The following ZBTB20 variants were observed in gnomAD, a reference collection of about 807,000 sequenced individuals.
The protein encoded by ZBTB20 is zinc finger and BTB domain-containing protein 20.
ZBTB20 carries 9 observed loss-of-function variants against 56.9 expected under a neutral mutation model. The observed-to-expected ratio is 0.16, with a 90% confidence interval of 0.10 to 0.28. The LOEUF (loss-of-function observed/expected upper bound fraction) is 0.28. Among genes scored for constraint, ZBTB20 ranks in the 10% least tolerant of loss-of-function variants. ZBTB20 has a pLI of 1.00. For missense variants in ZBTB20, 655 were observed against 1,003.0 expected, an observed-to-expected ratio of 0.65 and a Z score of 4.69; for synonymous variants, 417 against 420.7, an observed-to-expected ratio of 0.99 and a Z score of 0.11.
chr3:115,080,652 G>C (rs2082763675), intron 1 of ZBTB20, among the ~76,000 whole-genome samples: 1 of 152,122 alleles, frequency 6.6e-6, no homozygotes, highest in South Asian at 2.1e-4. Flanking sequence ...AACAGTTACT[G>C]AGCAAATGGA....
At chr3:115,016,156 T>A (rs2079946738) in intron 2 of ZBTB20, among the ~76,000 whole-genome samples, 2 of 152,018 alleles carry the variant, frequency 1.3e-5, no homozygotes, top group South Asian at 4.1e-4. Flanking sequence ...CACTTTTTAA[T>A]GGGATTGTTT....
intron 6 of ZBTB20, among the ~76,000 whole-genome samples, chr3:114,684,389 TG>T (rs2062189351): frequency 6.6e-6 from 1 of 152,204 alleles, no homozygotes; most frequent in Admixed American, 6.5e-5. Context: ...GTGTTGTTTT[TG>T]TATCTGGTTT....
intron 2 of ZBTB20, chr3:115,027,625 A>G (rs1195249898): frequency 6.6e-6 from 1 of 150,972 alleles, no homozygotes; most frequent in African/African-American, 2.4e-5. Context: ...TTCTGTAAAT[A>G]ATTACCCAAT....
At chr3:114,654,604 T>C (rs2060298740) in intron 6 of ZBTB20, among the ~76,000 whole-genome samples, 1 of 152,122 alleles carries the variant, frequency 6.6e-6, no homozygotes, top group Non-Finnish European at 1.5e-5. Context: ...GTTTTAAATA[T>C]GTTTTAAAGA....
intron 6 of ZBTB20, among the ~76,000 whole-genome samples, chr3:114,571,499 C>T (rs578023855): frequency 5.9e-5 from 9 of 152,152 alleles, no homozygotes; most frequent in African/African-American, 1.9e-4. Flanking sequence ...TTTTTTCTGC[C>T]TTCAGCGGGG....
rs567505412 is a variant in ZBTB20 at position 114,556,286 on chromosome 3, C to T, written c.-294-55895G>A. ...CTCATTGACGATTTCCTTGAAGTCC[C>T]CTGTACCTTCCCAATCTTATCTACA... On this transcript the variant is annotated intron_variant, in intron 6 of 11. Transcript: ENST00000675478. 9.9e-5 allele frequency among the ~76,000 whole-genome samples: 15 copies of T among 152,142 alleles called. 1 individual carries two copies. The South Asian group carries it at 3.1e-3, about 32-fold the overall frequency.
intron 2 of ZBTB20, among the ~76,000 whole-genome samples, chr3:115,062,308 T>G (rs1478850796): frequency 6.6e-6 from 1 of 152,230 alleles, no homozygotes; most frequent in Non-Finnish European, 1.5e-5. Flanking sequence ...TCCCATACAC[T>G]ATCAATGAAA....
intron 6 of ZBTB20, among the ~76,000 whole-genome samples, chr3:114,532,061 C>T (rs901333202): frequency 9.9e-5 from 15 of 152,154 alleles, no homozygotes; most frequent in African/African-American, 2.4e-4. Context: ...ACTGGGCGGC[C>T]GTTTGGGCAG....
chr3:115,071,063 A>C (rs1280962360), intron 2 of ZBTB20, among the ~76,000 whole-genome samples, 156 bp downstream of exon 2: 3 of 152,134 alleles, frequency 2.0e-5, no homozygotes, highest in Non-Finnish European at 4.4e-5. Flanking sequence ...AAAATATATA[A>C]AGACACTCTG....
intron 6 of ZBTB20, among the ~76,000 whole-genome samples, chr3:114,575,294 C>A (rs535688394): frequency 4.7e-4 from 71 of 152,202 alleles, no homozygotes; most frequent in Middle Eastern, 3.4e-3. Flanking sequence ...GTTCTTTTAA[C>A]ATGAATAATA....
intron 2 of ZBTB20, among the ~76,000 whole-genome samples, chr3:114,985,508 T>C (rs557909590): frequency 3.7e-4 from 56 of 152,248 alleles, no homozygotes; most frequent in Non-Finnish European, 6.6e-4. Context: ...AACATTGTTC[T>C]TCTCAGCTAT....
chr3:114,343,035 G>A (rs1172863668), intron 11 of ZBTB20, among the ~76,000 whole-genome samples: 1 of 151,964 alleles, frequency 6.6e-6, no homozygotes, highest in Non-Finnish European at 1.5e-5. Flanking sequence ...CTTGCCAAGG[G>A]TGTTGGGCGT....
intron 6 of ZBTB20, among the ~76,000 whole-genome samples, chr3:114,616,543 A>T (rs1330809782): frequency 6.6e-6 from 1 of 152,086 alleles, no homozygotes; most frequent in Non-Finnish European, 1.5e-5. Flanking sequence ...GCTCATGATA[A>T]TCTCTGCAGG....
At chr3:114,654,195 C>G (rs1431996077) in intron 6 of ZBTB20, among the ~76,000 whole-genome samples, 1 of 151,816 alleles carries the variant, frequency 6.6e-6, no homozygotes, top group Non-Finnish European at 1.5e-5. Context: ...GAAACCTACG[C>G]TATTGATCTT....
chr3:114,336,867 T>A lies in ZBTB20; in HGVS notation c.*2138A>T, dbSNP rs1198678280. 6.6e-6 allele frequency: 1 copy of A among 152,254 alleles called. No homozygotes were observed. Among genetic ancestry groups the A allele is most frequent in the Non-Finnish European group, 1.5e-5 (1 of 68,044 alleles). 9.4% of individuals were successfully genotyped at this position (152,254 alleles called of 1,614,324 possible). A position where few individuals can be genotyped will look rare whatever the true frequency, so the allele number is the denominator to read the frequency against. On this transcript the variant is annotated 3_prime_UTR_variant, in exon 12 of 12. Transcript: ENST00000675478. ...GTTTTGCTTTGTTTAAAGATTTGCT[T>A]TCCCCTAAGTATGTTAAAATATGCC...
intron 2 of ZBTB20, among the ~76,000 whole-genome samples, chr3:115,023,369 CTCTT>C (rs1384038792): frequency 1.3e-5 from 2 of 150,824 alleles, no homozygotes; most frequent in Non-Finnish European, 3.0e-5. Context: ...CCCATAAACT[CTCTT>C]TTTTTGTTTT....
intron 3 of ZBTB20, among the ~76,000 whole-genome samples, chr3:114,951,171 C>G (rs575551670): frequency 6.6e-6 from 1 of 152,068 alleles, no homozygotes; most frequent in South Asian, 2.1e-4. Context: ...TAACTGTTTT[C>G]CTGCACTAAA....
rs72945745 is a variant in ZBTB20, at chr3:115,074,849, C to T, written c.-702-3435G>A. Among the ~76,000 whole-genome samples, 893 of 152,016 alleles carry T rather than the reference C, an allele frequency of 5.9e-3. 12 individuals are homozygous for T. The highest frequency in any genetic ancestry group is 0.021 in the African/African-American group (864 of 41,464). On this transcript the variant is annotated intron_variant, in intron 1 of 11. Transcript: ENST00000675478. ...TAGGAACCTTTCTGACTGCAAAGTC[C>T]CCAGAAGTTTTAATTTTTACTCACC... is the stretch of plus-strand genomic sequence containing the variant.
chr3:115,054,740 G>A (rs2081691407), intron 2 of ZBTB20, among the ~76,000 whole-genome samples: 1 of 152,006 alleles, frequency 6.6e-6, no homozygotes. Context: ...TAAAAAACTA[G>A]GAATGGCTCC....
Sources: gnomAD v4.1 joint callset for allele counts (sites outside exome capture counted in the v4.1 genomes callset) on GRCh38, gnomAD v4.1.1 for gene constraint, MANE v1.5 for transcripts, NCBI Gene and HGNC (gene_info 2026-07-23, HGNC 2026-07-21) for gene names.